ARHGAP8: variants seen among roughly 807,000 people sequenced by gnomAD.
ARHGAP8 encodes rho GTPase-activating protein 8.
Under a neutral mutation model 46.1 loss-of-function variants are expected in ARHGAP8, and 62 were observed. That is an observed-to-expected ratio of 1.34 (90% confidence interval 1.10 to 1.66). The LOEUF (loss-of-function observed/expected upper bound fraction) is 1.66, where lower values mean the gene tolerates loss of function less well. Among genes scored for constraint, ARHGAP8 ranks in the 40% most tolerant of loss-of-function variants. ARHGAP8 has a pLI of 0.00. For missense variants in ARHGAP8, 923 were observed against 568.4 expected (o/e 1.62, Z -6.34); for synonymous variants, 375 against 243.1 (o/e 1.54, Z -5.05).
At chr22:44,844,632 T>G (rs1276987353) in intron 7 of ARHGAP8, among the ~76,000 whole-genome samples, 1 of 152,000 alleles carries the variant, frequency 6.6e-6, no homozygotes, top group African/African-American at 2.4e-5. Flanking sequence ...CCAGCTAATT[T>G]TTGTATTTTT....
At chr22:44,818,716 T>C (rs866834631) in intron 5 of ARHGAP8, among the ~76,000 whole-genome samples, 8 of 152,304 alleles carry the variant, frequency 5.3e-5, no homozygotes, top group African/African-American at 1.4e-4. Context: ...TCTTTTTTTT[T>C]CATAGGTTCT....
chr22:44,777,121 GA>G (rs1926484112), intron 1 of ARHGAP8: 2 of 152,138 alleles, frequency 1.3e-5, no homozygotes, highest in South Asian at 2.1e-4. Context: ...CCTCAAGTCT[GA>G]ATCATTCCAC....
chr22:44,794,307 A>G (rs1927920853), intron 2 of ARHGAP8, among the ~76,000 whole-genome samples: 2 of 152,200 alleles, frequency 1.3e-5, no homozygotes, highest in Admixed American at 6.5e-5. Flanking sequence ...TCCGTATTGC[A>G]GATGACCAAA....
chr22:44,759,986 G>A (rs1925003854), intron 1 of ARHGAP8, among the ~76,000 whole-genome samples: 1 of 152,288 alleles, frequency 6.6e-6, no homozygotes, highest in Non-Finnish European at 1.5e-5. Context: ...CCACAGGAGA[G>A]GGGGTGACCC....
chr22:44,828,084 C>G (rs1930664116), intron 7 of ARHGAP8, among the ~76,000 whole-genome samples: 1 of 152,196 alleles, frequency 6.6e-6, no homozygotes, highest in South Asian at 2.1e-4. Flanking sequence ...ACAGCTCTGA[C>G]CGATTCACCC....
intron 2 of ARHGAP8, among the ~76,000 whole-genome samples, chr22:44,791,202 T>C (rs748162672): frequency 6.6e-6 from 1 of 152,020 alleles, no homozygotes; most frequent in Non-Finnish European, 1.5e-5. Context: ...GGGATTTCAG[T>C]GCAGTCTACT....
At chr22:44,826,011 G>A (rs1262903508) in intron 7 of ARHGAP8, among the ~76,000 whole-genome samples, 4 of 151,924 alleles carry the variant, frequency 2.6e-5, no homozygotes, top group South Asian at 2.1e-4. Flanking sequence ...TGGGGTTCCC[G>A]CCCCAGCTTC....
intron 10 of ARHGAP8, 100 bp downstream of exon 10, chr22:44,849,160 T>C: frequency 6.4e-7 from 1 of 1,568,910 alleles, no homozygotes; most frequent in Non-Finnish European, 8.6e-7. Context: ...CGAGGTGACG[T>C]GTACCCACCC....
chr22:44,814,984 G>A (rs1021437403), intron 5 of ARHGAP8, among the ~76,000 whole-genome samples: 1 of 152,142 alleles, frequency 6.6e-6, no homozygotes, highest in Non-Finnish European at 1.5e-5. Flanking sequence ...TTTGCACCTG[G>A]TGTTTAAAAG....
intron 2 of ARHGAP8, among the ~76,000 whole-genome samples, chr22:44,797,556 A>G (rs954744327): frequency 1.1e-4 from 16 of 152,234 alleles, no homozygotes; most frequent in African/African-American, 2.9e-4. Flanking sequence ...AAACAAATGG[A>G]AAGCGTGACC....
chr22:44,768,171 A>AT, intron 1 of ARHGAP8, among the ~76,000 whole-genome samples: 1 of 150,134 alleles, frequency 6.7e-6, no homozygotes, highest in East Asian at 2.0e-4. Context: ...TAATTTTTGT[A>AT]TTTTTAGTAG....
At chr22:44,755,743 G>A (rs762038593) in intron 1 of ARHGAP8, among the ~76,000 whole-genome samples, 2 of 152,192 alleles carry the variant, frequency 1.3e-5, no homozygotes, top group African/African-American at 2.4e-5. Flanking sequence ...TCTCAGATGG[G>A]TGTCATAAAC....
At chr22:44,837,006 T>G (rs762646735) in intron 7 of ARHGAP8, among the ~76,000 whole-genome samples, 12 of 152,176 alleles carry the variant, frequency 7.9e-5, no homozygotes, top group Non-Finnish European at 1.2e-4. Flanking sequence ...TGCCCCAGCC[T>G]CCTGAGTAGC....
intron 1 of ARHGAP8, among the ~76,000 whole-genome samples, chr22:44,776,555 C>G (rs936863709): frequency 6.6e-6 from 1 of 152,150 alleles, no homozygotes; most frequent in Non-Finnish European, 1.5e-5. Context: ...CCTGAAGTGC[C>G]ACCTGCCTTG....
intron 2 of ARHGAP8, among the ~76,000 whole-genome samples, chr22:44,799,046 C>A (rs976114510): frequency 1.3e-5 from 2 of 152,198 alleles, no homozygotes; most frequent in African/African-American, 4.8e-5. Context: ...CACCCTGCTC[C>A]AGGCTTCCCA....
At chr22:44,841,445 C>T (rs1029193062) in intron 7 of ARHGAP8, among the ~76,000 whole-genome samples, 3 of 152,146 alleles carry the variant, frequency 2.0e-5, no homozygotes, top group African/African-American at 7.2e-5. Context: ...GCTCTCACGC[C>T]TGCTCCCTGC....
chr22:44,774,139 G>T lies in ARHGAP8; in HGVS notation c.-71-12318G>T, dbSNP rs116806359. Among the ~76,000 whole-genome samples, 1,004 of 152,254 alleles carry T rather than the reference G, an allele frequency of 6.6e-3. 8 individuals are homozygous for T. The highest frequency in any genetic ancestry group is 0.023 in the African/African-American group (948 of 41,554). On this transcript the variant is annotated intron_variant, in intron 1 of 11. Coordinates refer to ENST00000356099, the MANE Select transcript of ARHGAP8 (RefSeq NM_181335.3). The stretch of plus-strand genomic sequence containing the variant: ...GGATGCACACTCATTCTGCTCTAGG[G>T]TCTTAAATTTATGCCTTTCTAACTC...
At chr22:44,840,960 G>A in intron 7 of ARHGAP8, among the ~76,000 whole-genome samples, 1 of 152,234 alleles carries the variant, frequency 6.6e-6, no homozygotes, top group East Asian at 1.9e-4. Context: ...TGAGTACCTG[G>A]TGAGTACCTG....
At chr22:44,785,331 A>T (rs1927137919) in intron 1 of ARHGAP8, among the ~76,000 whole-genome samples, 1 of 152,180 alleles carries the variant, frequency 6.6e-6, no homozygotes, top group South Asian at 2.1e-4. Context: ...ACAACAGGTC[A>T]CTGTCTCAGT....
Sources: allele counts gnomAD v4.1 joint callset (sites outside exome capture counted in the v4.1 genomes callset), GRCh38; gene constraint gnomAD v4.1.1; transcripts MANE v1.5; gene names NCBI Gene and HGNC (gene_info 2026-07-23, HGNC 2026-07-21).